The following STK32A variants were observed in gnomAD, a reference collection of about 807,000 sequenced individuals.
STK32A encodes the protein serine/threonine kinase 32A, also known as serine/threonine-protein kinase 32A.
A neutral mutation model predicts 53.2 loss-of-function variants in STK32A; 41 were observed. The ratio of observed to expected loss-of-function variants is 0.77; its 90% confidence interval spans 0.60 to 1.00. STK32A has a LOEUF of 1.00. STK32A is among the 50% of genes least tolerant of loss of function. STK32A has a pLI of 0.00. For synonymous variants in STK32A, 166 were observed against 162.8 expected (o/e 1.02, Z -0.15); for missense variants, 458 against 485.8 (o/e 0.94, Z 0.54).
intron 12 of STK32A, 49 bp from the exon 13 acceptor site, chr5:147,383,840 AT>A: frequency 7.4e-7 from 1 of 1,344,706 alleles, no homozygotes; most frequent in Non-Finnish European, 1.0e-6. Flanking sequence ...TAAACCTTTC[AT>A]TTTATTTTTC....
chr5:147,401,621 G>A, the STK32A span: 9 of 1,614,076 alleles, frequency 5.6e-6, no homozygotes, highest in Non-Finnish European at 7.6e-6. Context: ...AGCCGCCTTG[G>A]CCCAGTTCTT....
At chr5:147,333,703 T>C (rs1754984180) in intron 5 of STK32A, among the ~76,000 whole-genome samples, 1 of 152,228 alleles carries the variant, frequency 6.6e-6, no homozygotes. Context: ...CCCATTTGCT[T>C]TGAGTTATCT....
chr5:147,301,190 A>G (rs373180851), intron 4 of STK32A, among the ~76,000 whole-genome samples: 9 of 152,166 alleles, frequency 5.9e-5, no homozygotes, highest in Non-Finnish European at 1.2e-4. Flanking sequence ...TGTAGATGAA[A>G]TCTCACAAGT....
At chr5:147,330,801 T>C (rs1431230684) in intron 5 of STK32A, among the ~76,000 whole-genome samples, 2 of 152,198 alleles carry the variant, frequency 1.3e-5, no homozygotes, top group African/African-American at 2.4e-5. Flanking sequence ...TAATGACCTG[T>C]CTACAGAGCC....
At chr5:147,348,053 G>A (rs981048647) in intron 6 of STK32A, among the ~76,000 whole-genome samples, 1 of 152,152 alleles carries the variant, frequency 6.6e-6, no homozygotes, top group African/African-American at 2.4e-5. Context: ...TTGTGATACA[G>A]CACACAAAGT....
At chr5:147,240,362 GA>G (rs967330985) in intron 2 of STK32A, among the ~76,000 whole-genome samples, 6 of 152,098 alleles carry the variant, frequency 3.9e-5, no homozygotes, top group Admixed American at 6.5e-5. Context: ...TTGTCTGGGG[GA>G]AAAAAATGCC....
intron 7 of STK32A, among the ~76,000 whole-genome samples, chr5:147,352,574 G>A (rs1253697516): frequency 6.6e-6 from 1 of 152,136 alleles, no homozygotes; most frequent in Admixed American, 6.5e-5. Context: ...TCAGAAAGAG[G>A]GAGTTCTCCC....
At chr5:147,376,267 G>C (rs1757228988) in intron 11 of STK32A, among the ~76,000 whole-genome samples, 1 of 152,118 alleles carries the variant, frequency 6.6e-6, no homozygotes, top group Non-Finnish European at 1.5e-5. Context: ...ATTCCCTTCA[G>C]GAAATATTTT....
chr5:147,393,341 A>G, the STK32A span: 1 of 152,310 alleles, frequency 6.6e-6, no homozygotes, highest in Non-Finnish European at 1.5e-5. Flanking sequence ...CTGAGCAAAC[A>G]CTGGCACAAT....
intron 5 of STK32A, among the ~76,000 whole-genome samples, chr5:147,328,288 T>G (rs567244140): frequency 6.6e-6 from 1 of 152,346 alleles, no homozygotes; most frequent in East Asian, 1.9e-4. Flanking sequence ...AAATGTCTAG[T>G]GTAGTGATGT....
intron 5 of STK32A, among the ~76,000 whole-genome samples, chr5:147,324,989 T>C (rs1754508390): frequency 6.6e-6 from 1 of 152,134 alleles, no homozygotes; most frequent in South Asian, 2.1e-4. Context: ...ATTACACAGA[T>C]AAAGAAACTG....
chr5:147,333,129 T>G (rs1754952431), intron 5 of STK32A, among the ~76,000 whole-genome samples: 2 of 152,180 alleles, frequency 1.3e-5, no homozygotes, highest in South Asian at 4.1e-4. Flanking sequence ...TAACACATAA[T>G]ATTGATCAAT....
intron 4 of STK32A, among the ~76,000 whole-genome samples, chr5:147,283,324 C>G (rs72831337): frequency 3.9e-5 from 6 of 151,950 alleles, no homozygotes; most frequent in African/African-American, 1.4e-4. Context: ...TAGCCCTAAA[C>G]GCCCACATTG....
chr5:147,299,481 C>T (rs1753026677), intron 4 of STK32A, among the ~76,000 whole-genome samples: 1 of 152,166 alleles, frequency 6.6e-6, no homozygotes. Context: ...TCATTTTACC[C>T]AGCTCCTATT....
chr5:147,400,894 TAG>T, the STK32A span: 1 of 1,579,290 alleles, frequency 6.3e-7, no homozygotes, highest in Non-Finnish European at 8.6e-7. Context: ...ACTGGGAGCT[TAG>T]AGTCTTGTGT....
chr5:147,303,688 G>T (rs1422787867), intron 4 of STK32A, among the ~76,000 whole-genome samples: 1 of 152,150 alleles, frequency 6.6e-6, no homozygotes, highest in African/African-American at 2.4e-5. Context: ...TCAAGGAAAT[G>T]GTAGAAACTA....
intron 4 of STK32A, among the ~76,000 whole-genome samples, chr5:147,290,736 A>G (rs1752561595): frequency 6.6e-6 from 1 of 152,184 alleles, no homozygotes; most frequent in Non-Finnish European, 1.5e-5. Flanking sequence ...CAGACTCTGA[A>G]CATAGCCCAA....
chr5:147,383,909 A>T lies in STK32A; in HGVS notation c.1117A>T (p.Lys373Ter). 1 of 1,592,372 alleles carries T rather than the reference A, an allele frequency of 6.3e-7. No individual in the cohort carries two copies. Among genetic ancestry groups the T allele is most frequent in the Non-Finnish European group, 8.6e-7 (1 of 1,167,918 alleles). ...TTTAAGAGTAAACAGGGACTTTAACAAAAGACAACCAAATCTAGCCTTGGA... is the reference window on the plus strand; with the variant it reads ...TTTAAGAGTAAACAGGGACTTTAACTAAAGACAACCAAATCTAGCCTTGGA... ...NREKVNRDFN[K>*]RQPNLALEQT... Residue 373 changes from lysine (K) to a stop codon, truncating the protein, a stop_gained, in exon 13 of 13, where the codon AAA becomes TAA. Coordinates refer to ENST00000397936, the MANE Select transcript of STK32A (RefSeq NM_001112724.2). LOFTEE classifies it high-confidence loss of function.
chr5:147,247,968 A>G (rs2151940999), intron 2 of STK32A, among the ~76,000 whole-genome samples: 1 of 152,074 alleles, frequency 6.6e-6, no homozygotes, highest in South Asian at 2.1e-4. Flanking sequence ...TTAAAAATAC[A>G]AAATTAGCTG....
Sources: gnomAD v4.1 joint callset for allele counts (sites outside exome capture counted in the v4.1 genomes callset) on GRCh38, gnomAD v4.1.1 for gene constraint, MANE v1.5 for transcripts, NCBI Gene and HGNC (gene_info 2026-07-23, HGNC 2026-07-21) for gene names.